Variants in PNPLA7 observed in about 807,000 individuals in gnomAD.
PNPLA7 encodes patatin-like phospholipase domain-containing protein 7.
A neutral mutation model predicts 161.7 loss-of-function variants in PNPLA7; 153 were observed. That is an observed-to-expected ratio of 0.95 (90% CI 0.83 to 1.08). The LOEUF (loss-of-function observed/expected upper bound fraction) is 1.08. Ranked by LOEUF, PNPLA7 falls within the 50% of genes least tolerant of loss-of-function variation. The pLI, the probability that PNPLA7 is intolerant of heterozygous loss-of-function variation, is 0.00. For missense variants in PNPLA7, 1,739 were observed against 1,856.6 expected, an observed-to-expected ratio of 0.94 and a Z score of 1.16; for synonymous variants, 809 against 782.1, an observed-to-expected ratio of 1.03 and a Z score of -0.57.
At chr9:137,470,306 G>A (rs915583854) in intron 25 of PNPLA7, among the ~76,000 whole-genome samples, 26 of 152,194 alleles carry the variant, frequency 1.7e-4, no homozygotes, top group African/African-American at 6.0e-4. Flanking sequence ...GTGAGGCACC[G>A]CGCCTGGCCT....
At chr9:137,533,393 C>T (rs1349189706) in intron 8 of PNPLA7, among the ~76,000 whole-genome samples, 1 of 134,888 alleles carries the variant, frequency 7.4e-6, no homozygotes, top group Admixed American at 7.7e-5. Context: ...CAGTGAATGT[C>T]CACTCCAGAC....
intron 14 of PNPLA7, among the ~76,000 whole-genome samples, chr9:137,502,414 G>A (rs984511933): frequency 1.3e-5 from 2 of 151,548 alleles, no homozygotes; most frequent in Non-Finnish European, 1.5e-5. Context: ...GGTGAAGGGG[G>A]TGAAGGCAGC....
intron 12 of PNPLA7, among the ~76,000 whole-genome samples, chr9:137,514,426 C>T (rs1446232164): frequency 5.3e-5 from 7 of 133,260 alleles, no homozygotes; most frequent in East Asian, 2.3e-4. Flanking sequence ...GTTGATGTGC[C>T]GGGGCCCTGT....
chr9:137,513,193 A>G (rs895525474), intron 12 of PNPLA7, among the ~76,000 whole-genome samples: 1 of 152,136 alleles, frequency 6.6e-6, no homozygotes, highest in African/African-American at 2.4e-5. Context: ...CTAAAAGCTA[A>G]TAAAAATAGT....
Position 137,541,590 on chromosome 9 carries a change from A to C in PNPLA7, c.667-868T>G, listed in dbSNP as rs79946030. On this transcript the variant is annotated intron_variant, in intron 7 of 34. Coordinates refer to ENST00000406427, the MANE Select transcript of PNPLA7 (RefSeq NM_001098537.3). The surrounding 1 kb of genome is among the most constrained non-coding windows in gnomAD (Gnocchi z 4.4). ...GTTTGCTGAGTGCGTGCTTTAAATG[A>C]GAACAAGCAATGGGAAGTCTGGGTC... The C allele has an allele frequency of 0.041, 27,792 of 682,476 alleles. 655 individuals carry two copies. The highest frequency in any genetic ancestry group is 0.073 in the East Asian group (547 of 7,484). 42.3% of individuals were successfully genotyped at this position (682,476 alleles called of 1,614,324 possible). A position where few individuals can be genotyped will look rare whatever the true frequency, so the allele number is the denominator to read the frequency against.
chr9:137,495,481 T>C (rs1833004620), intron 18 of PNPLA7, among the ~76,000 whole-genome samples: 1 of 151,892 alleles, frequency 6.6e-6, no homozygotes, highest in African/African-American at 2.4e-5. Context: ...TCTCATTCTG[T>C]CACCCAGGCT....
At chr9:137,546,042 T>C (rs924462054) in intron 4 of PNPLA7, among the ~76,000 whole-genome samples, 17 of 152,318 alleles carry the variant, frequency 1.1e-4, no homozygotes, top group Non-Finnish European at 2.2e-4. Context: ...ACCGTCTCCC[T>C]GTGATGCTGT....
rs987227117 is a variant in PNPLA7, at chr9:137,500,454, G to C, written c.1757+237C>G. Among the ~76,000 whole-genome samples, 2 of 152,228 alleles carry C rather than the reference G, an allele frequency of 1.3e-5. No individual in the cohort carries two copies. Among genetic ancestry groups the C allele is most frequent in the East Asian group, 3.8e-4 (2 of 5,196 alleles). ...ACCAGTGATAAATGGACACAGCTGGGACCAGACCACAGAGACGGCCGTGCG... is the reference window on the plus strand; with the variant it reads ...ACCAGTGATAAATGGACACAGCTGGCACCAGACCACAGAGACGGCCGTGCG... On this transcript the variant is annotated intron_variant, in intron 16 of 34. Transcript: ENST00000406427. The surrounding 1 kb of genome is among the most constrained non-coding windows in gnomAD (Gnocchi z 5.5).
At chr9:137,518,167 C>G (rs988040471) in intron 11 of PNPLA7, among the ~76,000 whole-genome samples, 5 of 134,436 alleles carry the variant, frequency 3.7e-5, no homozygotes, top group East Asian at 2.1e-4. Flanking sequence ...GCACTCACTC[C>G]ACTCTGTCCA....
intron 20 of PNPLA7, among the ~76,000 whole-genome samples, chr9:137,487,422 C>G (rs1223944029): frequency 6.6e-6 from 1 of 152,206 alleles, no homozygotes; most frequent in Non-Finnish European, 1.5e-5. Context: ...CTGGAGGGGA[C>G]CCCAGCCCTG....
At position 137,462,226 on chromosome 9, in the gene PNPLA7, T is replaced by TGG; in HGVS notation, c.3596_3597dup (p.Ile1200ProfsTer149). The TGG allele has an allele frequency of 6.2e-7, 1 of 1,604,934 alleles. No homozygotes were observed. The highest frequency in any genetic ancestry group is 8.5e-7 in the Non-Finnish European group (1 of 1,175,086). On this transcript the variant is annotated frameshift_variant, in exon 31 of 35. Transcript: ENST00000406427. LOFTEE classifies it high-confidence loss of function. ...AAGTCCAGGGTGCTGTAGCTGTCGA[T>TGG]GGGGGGGCGCAGGTACTCGCAGTAG...
intron 8 of PNPLA7, among the ~76,000 whole-genome samples, chr9:137,534,811 C>A (rs1040960406): frequency 6.6e-6 from 1 of 152,152 alleles, no homozygotes; most frequent in Non-Finnish European, 1.5e-5. Context: ...TACGCCTCCC[C>A]GGGTCGATAC....
chr9:137,477,957 A>T lies in PNPLA7; in HGVS notation c.2882+77T>A, dbSNP rs1475778589. 5.1e-6 allele frequency: 6 copies of T among 1,175,926 alleles called. No homozygotes were observed. In the South Asian group the frequency reaches 1.0e-4, roughly 20 times the overall value. 72.8% of individuals were successfully genotyped at this position (1,175,926 alleles called of 1,614,324 possible). ...GTGACACCCCCTGTCCCCCGCACCC[A>T]GCACCTCCTAGCACCCGAGGGGGCG... On this transcript the variant is annotated intron_variant, in intron 25 of 34. Transcript: ENST00000406427.
At chr9:137,474,929 G>A (rs1831872001) in intron 25 of PNPLA7, among the ~76,000 whole-genome samples, 3 of 145,054 alleles carry the variant, frequency 2.1e-5, no homozygotes, top group South Asian at 4.4e-4. Flanking sequence ...GCTGAGGCAG[G>A]AGAATGGCGT....
In PNPLA7 at chr9:137,486,810, GC is replaced by G. The variant is rs1478618344; in HGVS notation, c.2198-2075del. On this transcript the variant is annotated intron_variant, in intron 20 of 34. Transcript: ENST00000406427. The surrounding 1 kb of genome is among the most constrained non-coding windows in gnomAD (Gnocchi z 6.0). The stretch of plus-strand genomic sequence containing the variant: ...CTGCCCGGAGCCTTTTTTGCTCAAA[GC>G]CCCTGGTGCCCCTCCCCACTCAGAA... Among the ~76,000 whole-genome samples the G allele has an allele frequency of 5.3e-5, 8 of 152,042 alleles. No individual in the cohort carries two copies. The highest frequency in any genetic ancestry group is 3.9e-4 in the Admixed American group (6 of 15,264).
chr9:137,500,870 C>T lies in PNPLA7; in HGVS notation c.1578G>A (p.Ser526=), dbSNP rs745862748. 1.3e-5 allele frequency: 20 copies of T among 1,582,940 alleles called. No individual in the cohort carries two copies. Among genetic ancestry groups the T allele is most frequent in the Admixed American group, 7.3e-5 (4 of 54,572 alleles). The change falls in exon 16 of 35, where the codon TCG becomes TCA. Residue 526 remains serine (S), a synonymous_variant. Coordinates refer to ENST00000406427, the MANE Select transcript of PNPLA7 (RefSeq NM_001098537.3). This position sits in a 1 kb window ranked among gnomAD's most constrained non-coding sequence, Gnocchi z 5.5. ...DQDASILFVV[S]GLLHVYQRKI... ...TCCGCTGGTACACGTGCAGCAGCCC[C>T]GAGACCACGAACAGGATGCTGGCGT...
intron 12 of PNPLA7, chr9:137,509,695 C>T: frequency 2.2e-6 from 1 of 449,458 alleles, no homozygotes; most frequent in Non-Finnish European, 4.5e-6. Flanking sequence ...GGCTTGTGGC[C>T]CATGATGCAC....
rs1833377419 is a variant in PNPLA7 at position 137,500,995 on chromosome 9, G to A, written c.1552-99C>T. The A allele has an allele frequency of 4.5e-6, 5 of 1,101,370 alleles. No homozygotes were observed. The highest frequency in any genetic ancestry group is 2.3e-4 in the Middle Eastern group (1 of 4,292). 68.2% of individuals were successfully genotyped at this position (1,101,370 alleles called of 1,614,324 possible). On this transcript the variant is annotated intron_variant, in intron 15 of 34. Coordinates refer to ENST00000406427, the MANE Select transcript of PNPLA7 (RefSeq NM_001098537.3). The surrounding 1 kb of genome is among the most constrained non-coding windows in gnomAD (Gnocchi z 5.5). ...GGACGATGCCACCAGGCTCAGCCGG[G>A]AGACCATCCGCCGACCTGATCAGCT...
chr9:137,541,417 C>T lies in PNPLA7; in HGVS notation c.667-695G>A, dbSNP rs1279941742. ...TCCAGCCACAGACAAAGCGACAAACCTGAGAACCAAATAATTTGCCCAGCA... is the reference window on the plus strand; with the variant it reads ...TCCAGCCACAGACAAAGCGACAAACTTGAGAACCAAATAATTTGCCCAGCA... On this transcript the variant is annotated intron_variant, in intron 7 of 34. Coordinates refer to ENST00000406427, the MANE Select transcript of PNPLA7 (RefSeq NM_001098537.3). The surrounding 1 kb of genome is among the most constrained non-coding windows in gnomAD (Gnocchi z 4.4). The T allele has an allele frequency of 2.0e-6, 2 of 985,318 alleles. No individual in the cohort carries two copies. The highest frequency in any genetic ancestry group is 3.5e-5 in the African/African-American group (2 of 57,242). 61.0% of individuals were successfully genotyped at this position (985,318 alleles called of 1,614,324 possible). A position where few individuals can be genotyped will look rare whatever the true frequency, so the allele number is the denominator to read the frequency against.
Sources: allele counts gnomAD v4.1 joint callset (sites outside exome capture counted in the v4.1 genomes callset), GRCh38; gene constraint gnomAD v4.1.1; non-coding constraint Gnocchi (gnomAD v3.1); transcripts MANE v1.5; gene names NCBI Gene and HGNC (gene_info 2026-07-23, HGNC 2026-07-21).